The following GMPR2 variants were observed in gnomAD, a reference collection of about 807,000 sequenced individuals.
GMPR2 encodes the protein guanosine monophosphate reductase 2.
GMPR2 carries 32 observed loss-of-function variants against 38.5 expected under a neutral mutation model. The ratio of observed to expected loss-of-function variants is 0.83; its 90% CI spans 0.63 to 1.12. The LOEUF is 1.12. Among genes scored for constraint, GMPR2 ranks in the 50% most tolerant of loss-of-function variants. The pLI is 0.00. For missense variants in GMPR2, 396 were observed against 432.1 expected (o/e 0.92, Z 0.74); for synonymous variants, 154 against 151.0 (o/e 1.02, Z -0.15).
rs775368975 is a variant in GMPR2 at position 24,238,611 on chromosome 14, G to T, written c.880G>T (p.Glu294Ter). 3 of 1,614,110 alleles carry T rather than the reference G, an allele frequency of 1.9e-6. No homozygotes were observed. In the Admixed American group the frequency reaches 5.0e-5, roughly 27 times the overall value. Residue 294 changes from glutamate to a stop codon, truncating the protein, a stop_gained, in exon 10 of 10, where the codon GAA becomes TAA. Transcript: ENST00000399440. LOFTEE classifies it high-confidence loss of function. ...AAGAGCCTCAGAGGGAAAGACAGTG[G>T]AAGTTCCTTTTAAAGGAGATGTGGA... is the stretch of plus-strand genomic sequence containing the variant. ...EYRASEGKTVEVPFKGDVEHT... is the reference protein window; with the variant it reads ...EYRASEGKTV
Position 24,233,506 on chromosome 14 carries a change from C to A in GMPR2, c.115C>A (p.Arg39=), listed in dbSNP as rs778737605. 1 of 1,613,912 alleles carries A rather than the reference C, an allele frequency of 6.2e-7. No individual in the cohort carries two copies. The highest frequency in any genetic ancestry group is 2.2e-5 in the East Asian group (1 of 44,880). The change falls in exon 3 of 10, where the codon CGG becomes AGG. Residue 39 remains arginine (R), a synonymous_variant. Coordinates refer to ENST00000399440, the MANE Select transcript of GMPR2 (RefSeq NM_001002002.3). ...GGATCTCACAAGATCCTTTTCATTT[C>A]GGAACTCAAAGCAGACATACTCTGG... ...EVDLTRSFSF[R]NSKQTYSGVP...
Position 24,239,183 on chromosome 14 carries a change from G to A in GMPR2, c.*405G>A, listed in dbSNP as rs201886590. 2.7e-6 allele frequency: 1 copy of A among 367,616 alleles called. No individual in the cohort carries two copies. Among genetic ancestry groups the A allele is most frequent in the African/African-American group, 2.1e-5 (1 of 46,974 alleles). The allele number at this position is 367,616 out of a possible 1,614,324, so 22.8% of individuals were successfully genotyped here. ...AATTGGACCTTCACATATCTAAAAA[G>A]CTCTGAAGTGTTTGTATATTTGAAA... is the stretch of plus-strand genomic sequence containing the variant. On this transcript the variant is annotated 3_prime_UTR_variant, in exon 10 of 10. Coordinates refer to ENST00000399440, the MANE Select transcript of GMPR2 (RefSeq NM_001002002.3).
chr14:24,238,636 A>G lies in GMPR2; in HGVS notation c.905A>G (p.Glu302Gly). The G allele has an allele frequency of 6.2e-7, 1 of 1,614,170 alleles. No individual in the cohort carries two copies. Among genetic ancestry groups the G allele is most frequent in the Non-Finnish European group, 8.5e-7 (1 of 1,180,006 alleles). Residue 302 changes from glutamate (E) to glycine (G), a missense_variant, in exon 10 of 10, where the codon GAA becomes GGA. Transcript: ENST00000399440. ...TVEVPFKGDV[E>G]HTIRDILGGI... Reference sequence around the variant, plus strand: ...GAAGTTCCTTTTAAAGGAGATGTGGAACATACCATCCGAGACATCCTAGGA... The same window carrying G: ...GAAGTTCCTTTTAAAGGAGATGTGGGACATACCATCCGAGACATCCTAGGA...
At chr14:24,236,163 AC>A (rs772725990) in intron 5 of GMPR2, 23 bp downstream of exon 5, 1 of 1,593,020 alleles carries the variant, frequency 6.3e-7, no homozygotes, top group Admixed American at 1.7e-5. Context: ...TACAGTCGGT[AC>A]CTTTTTATCT....
chr14:24,235,526 A>G (rs372012952), intron 3 of GMPR2: 1 of 570,030 alleles, frequency 1.8e-6, no homozygotes. Context: ...TTGGTGGGAA[A>G]TCTGACAAGT....
chr14:24,233,869 C>A, intron 3 of GMPR2: 1 of 551,136 alleles, frequency 1.8e-6, no homozygotes, highest in Non-Finnish European at 3.2e-6. Context: ...AGTTTGTACA[C>A]CTTGCCAACT....
Position 24,233,533 on chromosome 14 carries a change from G to T in GMPR2, c.142G>T (p.Val48Phe). 6.2e-7 allele frequency: 1 copy of T among 1,614,032 alleles called. No homozygotes were observed. The highest frequency in any genetic ancestry group is 8.5e-7 in the Non-Finnish European group (1 of 1,179,904). ...FRNSKQTYSG[V>F]PIIAANMDTV... is the part of the protein sequence containing the mutation. ...GAACTCAAAGCAGACATACTCTGGGGTTCCCATCATTGCTGCCAATATGGA... is the reference window on the plus strand; with the variant it reads ...GAACTCAAAGCAGACATACTCTGGGTTTCCCATCATTGCTGCCAATATGGA... The change falls in exon 3 of 10, where the codon GTT (valine) becomes TTT (phenylalanine). Residue 48 changes from valine to phenylalanine, a missense_variant. Val to Phe is a conservative substitution (Grantham distance 50, BLOSUM62 -1). Coordinates refer to ENST00000399440, the MANE Select transcript of GMPR2 (RefSeq NM_001002002.3).
rs1185077761 is a variant in GMPR2, at chr14:24,238,280, G to A, written c.732G>A (p.Met244Ile). 3.7e-6 allele frequency: 6 copies of A among 1,613,498 alleles called. No individual in the cohort carries two copies. The highest frequency in any genetic ancestry group is 3.4e-6 in the Non-Finnish European group (4 of 1,179,662). ...CTGACTTCGTGATGCTGGGTGGCAT[G>A]CTGGCTGGGCACAGTGAGTCAGGTG... ...AGADFVMLGG[M>I]LAGHSESGGE... The change falls in exon 9 of 10, where the codon ATG becomes ATA. Residue 244 changes from methionine (M) to isoleucine (I), a missense_variant. Physicochemically the swap from Met to Ile is conservative, Grantham distance 10. Transcript: ENST00000399440.
intron 9 of GMPR2, 63 bp downstream of exon 9, chr14:24,238,468 G>A: frequency 6.2e-7 from 1 of 1,614,066 alleles, no homozygotes; most frequent in Non-Finnish European, 8.5e-7. Context: ...CTGCTGAGAG[G>A]GGGATGGTAC....
At position 24,232,981 on chromosome 14, in the gene GMPR2, A is replaced by G. The variant is rs1013226447; in HGVS notation, c.-36+4A>G. Reference sequence around the variant, plus strand: ...TAGAAGAAGGAAGTGTAGCGGGGTAAGGAATGCACCGTCAGGGTCTCTCAC... The same window carrying G: ...TAGAAGAAGGAAGTGTAGCGGGGTAGGGAATGCACCGTCAGGGTCTCTCAC... On this transcript the variant is annotated splice_donor_region_variant and intron_variant, in intron 1 of 9. Transcript: ENST00000399440. 17 of 573,234 alleles carry G rather than the reference A, an allele frequency of 3.0e-5. No individual in the cohort carries two copies. In the African/African-American group the frequency reaches 3.0e-4, roughly 10 times the overall value. The allele number at this position is 573,234 out of a possible 1,614,324, so 35.5% of individuals were successfully genotyped here. A position where few individuals can be genotyped will look rare whatever the true frequency, so the allele number is the denominator to read the frequency against.
rs1159611127 is a variant in GMPR2 at position 24,238,272 on chromosome 14, G to A, written c.724G>A (p.Gly242Ser). The A allele has an allele frequency of 6.2e-7, 1 of 1,613,214 alleles. No individual in the cohort carries two copies. Among genetic ancestry groups the A allele is most frequent in the Non-Finnish European group, 8.5e-7 (1 of 1,179,570 alleles). The change falls in exon 9 of 10, where the codon GGT becomes AGT. Residue 242 changes from glycine to serine, a missense_variant. Gly to Ser is a moderately conservative substitution (Grantham distance 56, BLOSUM62 0). Transcript: ENST00000399440. Reference protein sequence around the residue: ...FGAGADFVMLGGMLAGHSESG... With the variant: ...FGAGADFVMLSGMLAGHSESG... ...GGCAGGAGCTGACTTCGTGATGCTGGGTGGCATGCTGGCTGGGCACAGTGA... is the reference window on the plus strand; with the variant it reads ...GGCAGGAGCTGACTTCGTGATGCTGAGTGGCATGCTGGCTGGGCACAGTGA...
rs1335339629 is a variant in GMPR2 at position 24,233,569 on chromosome 14, AC to A, written c.180del (p.Phe61LeufsTer63). ...TGCTGCCAATATGGATACTGTGGGC[AC>A]CTTTGAGATGGCCAAGGTTCTCTGT... is the stretch of plus-strand genomic sequence containing the variant. ...IIAANMDTVGTFEMAKVLCKF... is the reference protein window; with the variant it reads ...IIAANMDTVGXFEMAKVLCKF... On this transcript the variant is annotated frameshift_variant, in exon 3 of 10. Transcript: ENST00000399440. LOFTEE classifies it high-confidence loss of function. 1 of 1,614,108 alleles carries A rather than the reference AC, an allele frequency of 6.2e-7. No individual in the cohort carries two copies. The highest frequency in any genetic ancestry group is 8.5e-7 in the Non-Finnish European group (1 of 1,180,000).
At position 24,238,618 on chromosome 14, in the gene GMPR2, C is replaced by T; in HGVS notation, c.887C>T (p.Pro296Leu). 6.2e-7 allele frequency: 1 copy of T among 1,614,118 alleles called. No homozygotes were observed. Among genetic ancestry groups the T allele is most frequent in the Non-Finnish European group, 8.5e-7 (1 of 1,179,996 alleles). Residue 296 changes from proline to leucine, a missense_variant, in exon 10 of 10, where the codon CCT becomes CTT. Coordinates refer to ENST00000399440, the MANE Select transcript of GMPR2 (RefSeq NM_001002002.3). Reference protein sequence around the residue: ...RASEGKTVEVPFKGDVEHTIR... With the variant: ...RASEGKTVEVLFKGDVEHTIR... ...TCAGAGGGAAAGACAGTGGAAGTTC[C>T]TTTTAAAGGAGATGTGGAACATACC...
chr14:24,237,144 T>C lies in GMPR2; in HGVS notation c.539T>C (p.Ile180Thr), dbSNP rs1403153373. The C allele has an allele frequency of 4.4e-6, 7 of 1,607,730 alleles. No individual in the cohort carries two copies. Among genetic ancestry groups the C allele is most frequent in the East Asian group, 2.2e-5 (1 of 44,864 alleles). The change falls in exon 6 of 10, where the codon ATT becomes ACT. Residue 180 changes from isoleucine to threonine, a missense_variant. Physicochemically the swap from Ile to Thr is moderately conservative, Grantham distance 89. Transcript: ENST00000399440. ...GGGGCTGACATCATCAAAGTGGGAA[T>C]TGGGCCAGGTAAGCTGGTTCATTGG... ...LSGADIIKVGIGPGSVCTTRK... is the reference protein window; with the variant it reads ...LSGADIIKVGTGPGSVCTTRK...
chr14:24,236,198 T>G, intron 5 of GMPR2, 58 bp downstream of exon 5: 2 of 1,295,114 alleles, frequency 1.5e-6, no homozygotes, highest in Non-Finnish European at 2.2e-6. Flanking sequence ...CCACTCCGTT[T>G]TGCTACATCA....
intron 3 of GMPR2, among the ~76,000 whole-genome samples, chr14:24,235,169 C>T (rs1418349279): frequency 1.3e-5 from 2 of 152,180 alleles, no homozygotes; most frequent in Admixed American, 6.5e-5. Context: ...TTAGCTTGAT[C>T]CATGTCCCCA....
In GMPR2 at chr14:24,238,252, G is replaced by GAGC; in HGVS notation, c.705_707dup (p.Ala236dup). 1 of 1,610,760 alleles carries GAGC rather than the reference G, an allele frequency of 6.2e-7. No homozygotes were observed. The highest frequency in any genetic ancestry group is 8.5e-7 in the Non-Finnish European group (1 of 1,177,952). Reference sequence around the variant, plus strand: ...CCCTCCATGATGGTGGCAGGGGCAGGAGCTGACTTCGTGATGCTGGGTGGC... The same window carrying GAGC: ...CCCTCCATGATGGTGGCAGGGGCAGGAGCAGCTGACTTCGTGATGCTGGGTGGC... On this transcript the variant is annotated inframe_insertion, in exon 9 of 10. Coordinates refer to ENST00000399440, the MANE Select transcript of GMPR2 (RefSeq NM_001002002.3).
intron 8 of GMPR2, chr14:24,238,001 A>C: frequency 2.0e-6 from 1 of 491,386 alleles, no homozygotes. Flanking sequence ...CAAAAGGAGA[A>C]AGCAAAAGCC....
rs1349748481 is a variant in GMPR2 at position 24,238,844 on chromosome 14, C to G, written c.*66C>G. 1 of 1,336,216 alleles carries G rather than the reference C, an allele frequency of 7.5e-7. No individual in the cohort carries two copies. The highest frequency in any genetic ancestry group is 2.3e-5 in the East Asian group (1 of 43,288). The allele number at this position is 1,336,216 out of a possible 1,614,324, so 82.8% of individuals were successfully genotyped here. A position where few individuals can be genotyped will look rare whatever the true frequency, so the allele number is the denominator to read the frequency against. ...CATGGGGCATCCCAAGTGGGGTCCT[C>G]ACCCATCCCAGCTACTGCAGCTCTG... is the stretch of plus-strand genomic sequence containing the variant. On this transcript the variant is annotated 3_prime_UTR_variant, in exon 10 of 10. Transcript: ENST00000399440.
Sources: gnomAD v4.1 joint callset for allele counts (sites outside exome capture counted in the v4.1 genomes callset) on GRCh38, gnomAD v4.1.1 for gene constraint, MANE v1.5 for transcripts, NCBI Gene and HGNC (gene_info 2026-07-23, HGNC 2026-07-21) for gene names.